Variants in MGAM2 observed in about 807,000 individuals in gnomAD.
The protein encoded by MGAM2 is probable maltase-glucoamylase 2.
A neutral mutation model predicts 96.1 loss-of-function variants in MGAM2; 98 were observed. That is an observed-to-expected ratio of 1.02 (90% CI 0.87 to 1.21). The LOEUF (loss-of-function observed/expected upper bound fraction) is 1.21, where lower values mean the gene tolerates loss of function less well. MGAM2 is among the 50% of genes most tolerant of loss of function. MGAM2 has a pLI of 0.00. For synonymous variants in MGAM2, 749 were observed against 414.8 expected, an observed-to-expected ratio of 1.81 and a Z score of -9.79; for missense variants, 2,055 against 1,182.4, an observed-to-expected ratio of 1.74 and a Z score of -10.82.
intron 1 of MGAM2, among the ~76,000 whole-genome samples, chr7:142,113,283 T>C (rs1817235442): frequency 6.6e-6 from 1 of 152,104 alleles, no homozygotes; most frequent in African/African-American, 2.4e-5. Flanking sequence ...GGTGGGAATA[T>C]GGGGAGAGGA....
In MGAM2 at chr7:142,172,705, T is replaced by A. The variant is rs1170506129; in HGVS notation, c.3502T>A (p.Leu1168Met). 1 of 705,090 alleles carries A rather than the reference T, an allele frequency of 1.4e-6. No homozygotes were observed. The highest frequency in any genetic ancestry group is 2.3e-4 in the Middle Eastern group (1 of 4,370). The allele number at this position is 705,090 out of a possible 1,614,324, so 43.7% of individuals were successfully genotyped here. A position where few individuals can be genotyped will look rare whatever the true frequency, so the allele number is the denominator to read the frequency against. ...ALTYRTTGGI[L>M]DFYIVLGPTP... ...GACATACCGCACCACAGGAGGGATT[T>A]TGGACTTCTACATTGTTTTGGGGCC... The change falls in exon 30 of 48, where the codon TTG becomes ATG. Residue 1168 changes from leucine (L) to methionine (M), a missense_variant. Physicochemically the swap from Leu to Met is conservative, Grantham distance 15. Coordinates refer to ENST00000477922, the MANE Select transcript of MGAM2 (RefSeq NM_001293626.2).
At chr7:142,126,431 T>C (rs1273059133) in intron 3 of MGAM2, among the ~76,000 whole-genome samples, 1 of 151,970 alleles carries the variant, frequency 6.6e-6, no homozygotes, top group Non-Finnish European at 1.5e-5. Context: ...TTCTATATTC[T>C]GAAAATACAG....
At chr7:142,149,342 A>T (rs1035588614) in intron 15 of MGAM2, among the ~76,000 whole-genome samples, 1 of 152,056 alleles carries the variant, frequency 6.6e-6, no homozygotes, top group Admixed American at 6.5e-5. Context: ...ACTATTGATG[A>T]TTCTTAGGAA....
At chr7:142,161,234 A>G (rs756822720) in intron 22 of MGAM2, 21 bp downstream of exon 22, 20 of 701,384 alleles carry the variant, frequency 2.9e-5, no homozygotes, top group African/African-American at 5.2e-5. Flanking sequence ...TCAAGGCACC[A>G]TCCCTGTGGA....
At chr7:142,132,826 T>C (rs1237420645) in intron 6 of MGAM2, among the ~76,000 whole-genome samples, 10 of 127,756 alleles carry the variant, frequency 7.8e-5, no homozygotes, top group South Asian at 2.3e-4. Flanking sequence ...TATATAATTA[T>C]AAGTAATATA....
chr7:142,172,334 T>C, intron 29 of MGAM2, 140 bp downstream of exon 29: 1 of 558,634 alleles, frequency 1.8e-6, no homozygotes, highest in Non-Finnish European at 3.2e-6. Flanking sequence ...TATTCACCTA[T>C]TTATTCAAGA....
intron 46 of MGAM2, among the ~76,000 whole-genome samples, chr7:142,215,964 C>T (rs964569959): frequency 1.1e-4 from 17 of 152,004 alleles, no homozygotes; most frequent in Non-Finnish European, 2.2e-4. Context: ...CATAGACTTC[C>T]ATGTTGCCTA....
At chr7:142,197,250 T>G (rs1797072120) in intron 40 of MGAM2, 150 bp from the exon 41 acceptor site, 1 of 604,130 alleles carries the variant, frequency 1.7e-6, no homozygotes, top group Non-Finnish European at 2.9e-6. Flanking sequence ...TTTTGTAGGG[T>G]GGCAGAGATG....
chr7:142,129,722 G>T (rs1794827988), intron 3 of MGAM2, among the ~76,000 whole-genome samples: 1 of 149,116 alleles, frequency 6.7e-6, no homozygotes, highest in Admixed American at 6.7e-5. Flanking sequence ...CTACTCAGGA[G>T]GCTGAGGCAG....
At chr7:142,131,241 C>T (rs1338156497) in intron 4 of MGAM2, among the ~76,000 whole-genome samples, 170 bp downstream of exon 4, 1 of 152,102 alleles carries the variant, frequency 6.6e-6, no homozygotes, top group Non-Finnish European at 1.5e-5. Context: ...AGTTCAAGAC[C>T]AGCCTGACCA....
At chr7:142,198,570 A>G in intron 43 of MGAM2, 45 bp from the exon 44 acceptor site, 1 of 695,242 alleles carries the variant, frequency 1.4e-6, no homozygotes, top group South Asian at 1.5e-5. Flanking sequence ...CTCTCATTTA[A>G]TATATTTATC....
rs1797110555 is a variant in MGAM2 at position 142,198,202 on chromosome 7, A to C, written c.4923+7A>C. ...TTGGTATGACTATAGCACGGTAAGA[A>C]CTAATATATTTGTGAAGAACCAGTT... On this transcript the variant is annotated splice_region_variant and intron_variant, in intron 43 of 47. Transcript: ENST00000477922. 4.3e-6 allele frequency: 3 copies of C among 702,356 alleles called. No individual in the cohort carries two copies. Among genetic ancestry groups the C allele is most frequent in the Non-Finnish European group, 7.8e-6 (3 of 384,636 alleles). The allele number at this position is 702,356 out of a possible 1,614,324, so 43.5% of individuals were successfully genotyped here. A position where few individuals can be genotyped will look rare whatever the true frequency, so the allele number is the denominator to read the frequency against.
intron 46 of MGAM2, among the ~76,000 whole-genome samples, chr7:142,210,275 G>A (rs975376004): frequency 6.7e-6 from 1 of 150,134 alleles, no homozygotes; most frequent in African/African-American, 2.5e-5. Context: ...GGCCGTTTGG[G>A]CAGATACCAA....
rs576318860 is a variant in MGAM2 at position 142,170,156 on chromosome 7, C to G, written c.3109C>G (p.Arg1037Gly). 1 of 702,796 alleles carries G rather than the reference C, an allele frequency of 1.4e-6. No homozygotes were observed. The highest frequency in any genetic ancestry group is 1.5e-5 in the South Asian group (1 of 67,590). The allele number at this position is 702,796 out of a possible 1,614,324, so 43.5% of individuals were successfully genotyped here. Residue 1037 changes from arginine (R) to glycine (G), a missense_variant, in exon 27 of 48, where the codon CGT becomes GGT. Arg to Gly is a moderately radical substitution (Grantham distance 125). Transcript: ENST00000477922. ...PPQPVGDPENRLYDVRIQNNP... is the reference protein window; with the variant it reads ...PPQPVGDPENGLYDVRIQNNP... The stretch of plus-strand genomic sequence containing the variant: ...CCAACCAGTTGGTGACCCTGAAAAC[C>G]GTCTGTATGATGTCAGGATTCAGAA...
chr7:142,158,166 G>A, intron 18 of MGAM2, 75 bp downstream of exon 18: 1 of 700,524 alleles, frequency 1.4e-6, no homozygotes. Flanking sequence ...AGCAAGGTTA[G>A]TTAGGATCTT....
intron 22 of MGAM2, among the ~76,000 whole-genome samples, chr7:142,161,428 C>G (rs1334591531): frequency 2.0e-5 from 3 of 152,204 alleles, no homozygotes; most frequent in Non-Finnish European, 4.4e-5. Context: ...GTTACTGACT[C>G]TACCAAAGCA....
intron 46 of MGAM2, among the ~76,000 whole-genome samples, chr7:142,211,951 G>T (rs868734354): frequency 6.6e-6 from 1 of 152,168 alleles, no homozygotes; most frequent in South Asian, 2.1e-4. Flanking sequence ...GGAAGGTTGG[G>T]TTACCCACAA....
At chr7:142,206,218 C>T (rs1159651864) in intron 45 of MGAM2, among the ~76,000 whole-genome samples, 1 of 152,116 alleles carries the variant, frequency 6.6e-6, no homozygotes, top group African/African-American at 2.4e-5. Flanking sequence ...AATCAGGAAG[C>T]ATGAGTTCTT....
At chr7:142,207,095 A>C (rs1366278162) in intron 45 of MGAM2, among the ~76,000 whole-genome samples, 2 of 152,222 alleles carry the variant, frequency 1.3e-5, no homozygotes, top group African/African-American at 4.8e-5. Flanking sequence ...AATACTGACA[A>C]GAGTTGGAAT....
Sources: gnomAD v4.1 joint callset for allele counts (sites outside exome capture counted in the v4.1 genomes callset) on GRCh38, gnomAD v4.1.1 for gene constraint, MANE v1.5 for transcripts, NCBI Gene and HGNC (gene_info 2026-07-23, HGNC 2026-07-21) for gene names.